Variants in DEPDC5 observed in about 807,000 individuals in gnomAD.
DEPDC5 encodes the protein GATOR1 complex protein DEPDC5.
A neutral mutation model predicts 217.3 loss-of-function variants in DEPDC5; 73 were observed. The ratio of observed to expected loss-of-function variants is 0.34; its 90% CI spans 0.28 to 0.41. The LOEUF is 0.41. Among genes scored for constraint, DEPDC5 ranks in the 10% least tolerant of loss-of-function variants. DEPDC5 has a pLI of 1.00. For missense variants in DEPDC5, 1,675 were observed against 2,070.1 expected (o/e 0.81, Z 3.70); for synonymous variants, 733 against 756.7 (o/e 0.97, Z 0.51).
At chr22:31,795,655 A>G (rs569811777) in intron 12 of DEPDC5, among the ~76,000 whole-genome samples, 1 of 152,038 alleles carries the variant, frequency 6.6e-6, no homozygotes, top group Admixed American at 6.5e-5. Flanking sequence ...TGGCCTCCCA[A>G]AATGCTGGCA....
At chr22:31,786,919 C>T (rs568701223) in intron 10 of DEPDC5, among the ~76,000 whole-genome samples, 4 of 152,140 alleles carry the variant, frequency 2.6e-5, no homozygotes, top group Admixed American at 6.6e-5. Flanking sequence ...GCTGGGATTA[C>T]AGGTGCCCGC....
At chr22:31,889,203 G>A (rs1260941192) in intron 38 of DEPDC5, among the ~76,000 whole-genome samples, 1 of 152,220 alleles carries the variant, frequency 6.6e-6, no homozygotes, top group African/African-American at 2.4e-5. Context: ...GTGTGAATAA[G>A]TTGGTTCTCA....
chr22:31,829,896 AT>A (rs1471248774), intron 24 of DEPDC5, among the ~76,000 whole-genome samples: 2 of 152,134 alleles, frequency 1.3e-5, no homozygotes, highest in African/African-American at 4.8e-5. Context: ...GTCTTCCTTT[AT>A]TGGAGTTAAA....
intron 26 of DEPDC5, 58 bp from the exon 27 acceptor site, chr22:31,838,627 C>G: frequency 1.3e-6 from 2 of 1,592,314 alleles, no homozygotes; most frequent in Non-Finnish European, 1.7e-6. Flanking sequence ...ACTGTGCACT[C>G]TTAAGTGTCA....
At chr22:31,871,615 C>T (rs896723335) in intron 34 of DEPDC5, among the ~76,000 whole-genome samples, 8 of 152,124 alleles carry the variant, frequency 5.3e-5, no homozygotes, top group Non-Finnish European at 2.9e-5. Flanking sequence ...TGGCTGTAGG[C>T]GTGGAGGAGA....
At chr22:31,755,704 C>T (rs994788449) in intron 2 of DEPDC5, among the ~76,000 whole-genome samples, 3 of 152,028 alleles carry the variant, frequency 2.0e-5, no homozygotes, top group Non-Finnish European at 4.4e-5. Flanking sequence ...GCCACTGTAC[C>T]CAGCTCTCCT....
At position 31,815,159 on chromosome 22, in the gene DEPDC5, C is replaced by T. The variant is rs200461139; in HGVS notation, c.1613C>T (p.Pro538Leu). The T allele has an allele frequency of 6.2e-6, 10 of 1,614,168 alleles. No homozygotes were observed. Among genetic ancestry groups the T allele is most frequent in the Non-Finnish European group, 7.6e-6 (9 of 1,180,036 alleles). Reference sequence around the variant, plus strand: ...GCCAACATCCTGATGATCCCACACCCCCACCTGCACCAGTATGAAGTCAGC... The same window carrying T: ...GCCAACATCCTGATGATCCCACACCTCCACCTGCACCAGTATGAAGTCAGC... ...KSANILMIPHPHLHQYEVSSS... is the reference protein window; with the variant it reads ...KSANILMIPHLHLHQYEVSSS... The change falls in exon 21 of 43, where the codon CCC becomes CTC. Residue 538 changes from proline (P) to leucine (L), a missense_variant. This residue lies in a region of DEPDC5 where 628 missense variants were observed against 762.1 expected (regional missense o/e 0.82). Coordinates refer to ENST00000651528, the MANE Select transcript of DEPDC5 (RefSeq NM_001242896.3).
chr22:31,861,029 T>A (rs2092489314), intron 32 of DEPDC5, among the ~76,000 whole-genome samples: 1 of 152,062 alleles, frequency 6.6e-6, no homozygotes. Context: ...AGCCACACTC[T>A]GATGAGACCT....
At chr22:31,781,280 A>G (rs1455316028) in intron 8 of DEPDC5, among the ~76,000 whole-genome samples, 7 of 151,812 alleles carry the variant, frequency 4.6e-5, no homozygotes, top group Non-Finnish European at 7.4e-5. Context: ...GAGAAACAAG[A>G]CTTTCAGGTT....
At chr22:31,790,044 C>T (rs141696588) in intron 10 of DEPDC5, among the ~76,000 whole-genome samples, 8 of 152,186 alleles carry the variant, frequency 5.3e-5, no homozygotes, top group African/African-American at 1.7e-4. Flanking sequence ...ATTGTGAGCC[C>T]GTTGTGTTTT....
chr22:31,763,563 G>T (rs1250302595), intron 4 of DEPDC5, among the ~76,000 whole-genome samples: 1 of 150,690 alleles, frequency 6.6e-6, no homozygotes, highest in South Asian at 2.1e-4. Context: ...TCCCACCTCC[G>T]CCTCCCGAGT....
intron 26 of DEPDC5, among the ~76,000 whole-genome samples, chr22:31,838,110 T>C (rs1182392981): frequency 6.6e-6 from 1 of 152,194 alleles, no homozygotes; most frequent in East Asian, 1.9e-4. Flanking sequence ...GTTCTGGCTT[T>C]GATGTTTATT....
chr22:31,818,905 C>T (rs1390871227), intron 21 of DEPDC5, 117 bp from the exon 22 acceptor site: 2 of 1,022,938 alleles, frequency 2.0e-6, no homozygotes, highest in South Asian at 1.4e-5. Flanking sequence ...TCTCTCACTC[C>T]CTGACATTTA....
At chr22:31,762,172 A>G (rs1439386688) in intron 4 of DEPDC5, among the ~76,000 whole-genome samples, 1 of 152,114 alleles carries the variant, frequency 6.6e-6, no homozygotes, top group East Asian at 1.9e-4. Flanking sequence ...GAAGAAATAT[A>G]TATTGATGAT....
intron 41 of DEPDC5, among the ~76,000 whole-genome samples, chr22:31,903,131 C>A (rs1180763623): frequency 2.7e-5 from 4 of 150,348 alleles, no homozygotes; most frequent in African/African-American, 4.9e-5. Flanking sequence ...TGCTCCTTAC[C>A]TAAACCCCCA....
At position 31,760,844 on chromosome 22, in the gene DEPDC5, C is replaced by CA. The variant is rs2082327705; in HGVS notation, c.193+143dup. The stretch of plus-strand genomic sequence containing the variant: ...ATTTTAATTTAACTTTCAATTCAGG[C>CA]AGTACATGGGAATGTTTGTTACATG... On this transcript the variant is annotated intron_variant, in intron 4 of 42. Transcript: ENST00000651528. 4.3e-6 allele frequency: 3 copies of CA among 700,206 alleles called. No homozygotes were observed. In the Admixed American group the frequency reaches 8.8e-5, roughly 20 times the overall value. 43.4% of individuals were successfully genotyped at this position (700,206 alleles called of 1,614,324 possible). A position where few individuals can be genotyped will look rare whatever the true frequency, so the allele number is the denominator to read the frequency against.
intron 37 of DEPDC5, among the ~76,000 whole-genome samples, chr22:31,879,041 A>ATAT (rs1227529102): frequency 1.2e-4 from 15 of 125,878 alleles, no homozygotes; most frequent in South Asian, 7.9e-4. Context: ...AAAAAAAAAA[A>ATAT]AAATATATAT....
intron 33 of DEPDC5, 25 bp downstream of exon 33, chr22:31,861,458 A>G (rs1181918476): frequency 2.6e-6 from 4 of 1,550,962 alleles, no homozygotes; most frequent in Non-Finnish European, 1.7e-6. Context: ...AGGGCTTCGC[A>G]TGCCTGTCCC....
intron 40 of DEPDC5, among the ~76,000 whole-genome samples, chr22:31,901,147 G>C (rs1432338646): frequency 6.6e-6 from 1 of 151,708 alleles, no homozygotes; most frequent in African/African-American, 2.4e-5. Flanking sequence ...GGAGGCTGAG[G>C]CATGAGAATC....
Sources: gnomAD v4.1 joint callset for allele counts (sites outside exome capture counted in the v4.1 genomes callset) on GRCh38, gnomAD v4.1.1 for gene constraint, gnomAD v4.1.1 regional missense constraint, MANE v1.5 for transcripts, NCBI Gene and HGNC (gene_info 2026-07-23, HGNC 2026-07-21) for gene names.